The following RGS12 variants were observed in gnomAD, a reference collection of about 807,000 sequenced individuals.
RGS12 encodes regulator of G-protein signaling 12.
Under a neutral mutation model 120.1 loss-of-function variants are expected in RGS12, and 66 were observed. The observed-to-expected ratio is 0.55, with a 90% CI of 0.45 to 0.67. The LOEUF is 0.67. Among genes scored for constraint, RGS12 ranks in the 30% least tolerant of loss-of-function variants. The pLI, the probability that RGS12 is intolerant of heterozygous loss-of-function variation, is 0.00. For synonymous variants in RGS12, 827 were observed against 804.7 expected (o/e 1.03, Z -0.47); for missense variants, 1,859 against 1,957.7 (o/e 0.95, Z 0.95).
intron 2 of RGS12, among the ~76,000 whole-genome samples, chr4:3,322,974 T>C (rs1228506500): frequency 6.6e-6 from 1 of 152,212 alleles, no homozygotes; most frequent in Non-Finnish European, 1.5e-5. Context: ...AAATACCTTA[T>C]GGGTGTACTG....
chr4:3,430,614 G>A lies in RGS12; in HGVS notation c.3773G>A (p.Gly1258Asp), dbSNP rs758949918. 5.6e-6 allele frequency: 9 copies of A among 1,610,678 alleles called. No individual in the cohort carries two copies. The Admixed American group carries it at 8.4e-5, about 15-fold the overall frequency. Residue 1258 changes from glycine (G) to aspartate (D), a missense_variant, in exon 17 of 18, where the codon GGC (glycine) becomes GAC (aspartate). Transcript: ENST00000336727. Reference protein sequence around the residue: ...GNGRESASQPGEQWEPVQESS... With the variant: ...GNGRESASQPDEQWEPVQESS... ...GGCCGGGAGAGCGCCTCCCAGCCTGGCGAGCAGTGGGAGCCAGTCCAGGAG... is the reference window on the plus strand; with the variant it reads ...GGCCGGGAGAGCGCCTCCCAGCCTGACGAGCAGTGGGAGCCAGTCCAGGAG...
At chr4:3,370,940 T>C (rs1022152474) in intron 3 of RGS12, among the ~76,000 whole-genome samples, 2 of 152,264 alleles carry the variant, frequency 1.3e-5, no homozygotes, top group South Asian at 2.1e-4. Context: ...ATTTAAATTA[T>C]GTACAGAAGT....
chr4:3,308,110 C>T (rs1229163716), intron 1 of RGS12, among the ~76,000 whole-genome samples: 4 of 152,194 alleles, frequency 2.6e-5, no homozygotes, highest in South Asian at 2.1e-4. Context: ...GCCCAGGGGC[C>T]GTGTGCACAG....
chr4:3,333,984 TTTAA>T (rs973859974), intron 2 of RGS12, among the ~76,000 whole-genome samples: 32 of 152,354 alleles, frequency 2.1e-4, no homozygotes, highest in African/African-American at 7.0e-4. Flanking sequence ...CATAAACATC[TTTAA>T]TTAAATTTAT....
At chr4:3,352,830 C>T (rs988093835) in intron 3 of RGS12, among the ~76,000 whole-genome samples, 2 of 152,176 alleles carry the variant, frequency 1.3e-5, no homozygotes, top group African/African-American at 4.8e-5. Context: ...CCAACCTTCC[C>T]TAGCTCTGTT....
intron 1 of RGS12, among the ~76,000 whole-genome samples, chr4:3,298,952 C>T (rs898965562): frequency 2.3e-4 from 35 of 152,308 alleles, no homozygotes; most frequent in African/African-American, 8.2e-4. Context: ...ACCTGCATTA[C>T]CTCAGGATCA....
chr4:3,388,552 G>A (rs1312243013), intron 4 of RGS12, among the ~76,000 whole-genome samples: 1 of 152,204 alleles, frequency 6.6e-6, no homozygotes, highest in Non-Finnish European at 1.5e-5. Flanking sequence ...AGCCCTGGCT[G>A]AGAGGCCCCT....
At chr4:3,336,455 T>C (rs1384146698) in intron 2 of RGS12, among the ~76,000 whole-genome samples, 2 of 152,272 alleles carry the variant, frequency 1.3e-5, no homozygotes, top group Non-Finnish European at 2.9e-5. Flanking sequence ...TAAGTCTCTA[T>C]ATTGCCTCTT....
At chr4:3,321,311 T>C (rs1172707581) in intron 2 of RGS12, among the ~76,000 whole-genome samples, 1 of 151,556 alleles carries the variant, frequency 6.6e-6, no homozygotes, top group Non-Finnish European at 1.5e-5. Flanking sequence ...TGTGAGAGAG[T>C]GAAGCAGCTC....
chr4:3,354,686 T>C (rs1161351553), intron 3 of RGS12, among the ~76,000 whole-genome samples: 1 of 152,140 alleles, frequency 6.6e-6, no homozygotes, highest in Admixed American at 6.5e-5. Flanking sequence ...CTAGAAAGCG[T>C]TTTGAAACAA....
chr4:3,432,953 C>T lies in RGS12; in HGVS notation c.4114+1998C>T, dbSNP rs1320440664. ...GCCCAGTCTTCCTGTGATGTTGGCT[C>T]AAGCCTGCTGGGGGGCGTTGGGACA... On this transcript the variant is annotated intron_variant, in intron 17 of 17. Coordinates refer to ENST00000336727, the MANE Select transcript of RGS12 (RefSeq NM_001394154.1). Among the ~76,000 whole-genome samples the T allele has an allele frequency of 2.0e-5, 3 of 152,214 alleles. No individual in the cohort carries two copies. In the East Asian group the frequency reaches 5.8e-4, roughly 29 times the overall value.
At chr4:3,307,113 A>C (rs1281870601) in intron 1 of RGS12, among the ~76,000 whole-genome samples, 3 of 152,168 alleles carry the variant, frequency 2.0e-5, no homozygotes, top group Non-Finnish European at 4.4e-5. Context: ...ACACCTCTTA[A>C]CTGCCTCCCC....
chr4:3,311,864 A>G (rs545044166), intron 1 of RGS12, among the ~76,000 whole-genome samples: 10 of 152,130 alleles, frequency 6.6e-5, no homozygotes, highest in African/African-American at 2.2e-4. Context: ...GTGGTCGGTG[A>G]CTCCTGATGG....
chr4:3,403,895 G>T (rs766876233), intron 4 of RGS12, among the ~76,000 whole-genome samples: 1 of 152,240 alleles, frequency 6.6e-6, no homozygotes, highest in Non-Finnish European at 1.5e-5. Flanking sequence ...GGCTATTGAC[G>T]TGGGGTGATG....
intron 10 of RGS12, 103 bp downstream of exon 10, chr4:3,420,821 G>T: frequency 9.7e-7 from 1 of 1,030,106 alleles, no homozygotes; most frequent in Non-Finnish European, 1.4e-6. Context: ...AAAACTCAGC[G>T]TTCACTTTGT....
chr4:3,338,307 G>T (rs1297188338), intron 2 of RGS12, among the ~76,000 whole-genome samples: 1 of 152,220 alleles, frequency 6.6e-6, no homozygotes, highest in Non-Finnish European at 1.5e-5. Context: ...TGGTCCACCC[G>T]CCTCGGCCTC....
chr4:3,294,328 G>T (rs1723243599), intron 1 of RGS12, among the ~76,000 whole-genome samples: 1 of 152,268 alleles, frequency 6.6e-6, no homozygotes, highest in African/African-American at 2.4e-5. Flanking sequence ...GGAGGGCAGA[G>T]AGGCGGCTTT....
At chr4:3,368,357 C>CTG (rs560807956) in intron 3 of RGS12, among the ~76,000 whole-genome samples, 2 of 141,064 alleles carry the variant, frequency 1.4e-5, no homozygotes, top group South Asian at 4.8e-4. Context: ...GTGTGTGCAC[C>CTG]TGTGTGTGTG....
At chr4:3,312,341 A>T (rs919231128) in intron 1 of RGS12, among the ~76,000 whole-genome samples, 3 of 152,242 alleles carry the variant, frequency 2.0e-5, no homozygotes, top group Non-Finnish European at 2.9e-5. Flanking sequence ...TCTGGGCAAC[A>T]TAGTGAGACC....
Sources: allele counts gnomAD v4.1 joint callset (sites outside exome capture counted in the v4.1 genomes callset), GRCh38; gene constraint gnomAD v4.1.1; transcripts MANE v1.5; gene names NCBI Gene and HGNC (gene_info 2026-07-23, HGNC 2026-07-21).